Variants in CDK14 observed in about 807,000 individuals in gnomAD.
CDK14 encodes the protein cyclin-dependent kinase 14.
Under a neutral mutation model 60.7 loss-of-function variants are expected in CDK14, and 34 were observed. That is an observed-to-expected ratio of 0.56 (90% CI 0.43 to 0.75). The LOEUF is 0.75. Ranked by LOEUF, CDK14 falls within the 30% of genes least tolerant of loss-of-function variation. The probability of loss-of-function intolerance (pLI) is 0.00; values close to 1 mark genes in which losing one functional copy is unlikely to be tolerated. For synonymous variants in CDK14, 197 were observed against 203.7 expected (o/e 0.97, Z 0.28); for missense variants, 482 against 564.1 (o/e 0.85, Z 1.47).
At position 91,084,331 on chromosome 7, in the gene CDK14, A is replaced by G. The variant is rs1798569065; in HGVS notation, c.1154+4851A>G. Among the ~76,000 whole-genome samples the G allele has an allele frequency of 2.0e-5, 3 of 152,210 alleles. No individual in the cohort carries two copies. In the South Asian group the frequency reaches 6.2e-4, roughly 32 times the overall value. On this transcript the variant is annotated intron_variant, in intron 12 of 14. Coordinates refer to ENST00000380050, the MANE Select transcript of CDK14 (RefSeq NM_001287135.2). ...ATGCAGCCAGGAGAGCTGGGACAGA[A>G]CAGAAGCCTGACTTCCTCTGTCCTG...
At chr7:91,184,914 CT>C (rs1802122838) in intron 14 of CDK14, among the ~76,000 whole-genome samples, 3 of 151,746 alleles carry the variant, frequency 2.0e-5, no homozygotes, top group Admixed American at 2.0e-4. Context: ...GTGAGGTGAA[CT>C]CCAGATTGAT....
intron 14 of CDK14, among the ~76,000 whole-genome samples, chr7:91,168,200 C>T (rs1392316766): frequency 2.7e-5 from 4 of 149,420 alleles, no homozygotes; most frequent in African/African-American, 7.5e-5. Context: ...AGGCGGAGGT[C>T]GCAGTGAGCC....
At chr7:91,051,641 A>T (rs763896269) in intron 11 of CDK14, among the ~76,000 whole-genome samples, 6 of 152,202 alleles carry the variant, frequency 3.9e-5, no homozygotes, top group Non-Finnish European at 5.9e-5. Context: ...GAGATTCATC[A>T]CAGGCAAACC....
chr7:90,618,947 T>A (rs917186716), intron 2 of CDK14, among the ~76,000 whole-genome samples: 6 of 152,158 alleles, frequency 3.9e-5, no homozygotes, highest in Non-Finnish European at 8.8e-5. Context: ...GAAGTAAAAA[T>A]CTCAAGAGAG....
chr7:90,679,947 A>G (rs956612115), intron 2 of CDK14, among the ~76,000 whole-genome samples: 7 of 152,148 alleles, frequency 4.6e-5, no homozygotes, highest in African/African-American at 1.4e-4. Context: ...CTCGGAGACT[A>G]TTGTCTTCAT....
Position 90,956,592 on chromosome 7 carries a change from G to A in CDK14, c.947+775G>A, listed in dbSNP as rs1291313537. Among the ~76,000 whole-genome samples, 4 of 152,034 alleles carry A rather than the reference G, an allele frequency of 2.6e-5. No homozygotes were observed. The East Asian group carries it at 7.7e-4, about 29-fold the overall frequency. On this transcript the variant is annotated intron_variant, in intron 9 of 14. Coordinates refer to ENST00000380050, the MANE Select transcript of CDK14 (RefSeq NM_001287135.2). ...AGTAAAACAATTTACATAGCACATG[G>A]CTATTTTTTTATTTTTATGTATTTA...
chr7:90,748,318 T>A (rs1046825181), intron 4 of CDK14, among the ~76,000 whole-genome samples: 8 of 152,192 alleles, frequency 5.3e-5, no homozygotes, highest in African/African-American at 1.9e-4. Flanking sequence ...TTTCTCTCCA[T>A]TGCTCTCTGG....
Position 90,795,979 on chromosome 7 carries a change from G to A in CDK14, c.544+5327G>A, listed in dbSNP as rs140046122. 1.3e-3 allele frequency among the ~76,000 whole-genome samples: 196 copies of A among 152,246 alleles called. 1 individual carries two copies. Among genetic ancestry groups the A allele is most frequent in the African/African-American group, 4.5e-3 (187 of 41,524 alleles). On this transcript the variant is annotated intron_variant, in intron 5 of 14. Coordinates refer to ENST00000380050, the MANE Select transcript of CDK14 (RefSeq NM_001287135.2). ...GTTGATGATCTTCTTATTCACTTTG[G>A]CTGGGTGTGAGGCAAGCTCCTGAGG...
chr7:91,151,586 A>C (rs553418246), intron 14 of CDK14, among the ~76,000 whole-genome samples: 2 of 152,250 alleles, frequency 1.3e-5, no homozygotes, highest in South Asian at 2.1e-4. Flanking sequence ...ATTTTAAATA[A>C]TATTTGCCAT....
intron 14 of CDK14, among the ~76,000 whole-genome samples, chr7:91,205,668 T>C (rs988650622): frequency 6.6e-6 from 1 of 152,250 alleles, no homozygotes; most frequent in African/African-American, 2.4e-5. Context: ...TATATTCTTT[T>C]AAATGATTAA....
intron 2 of CDK14, among the ~76,000 whole-genome samples, chr7:90,695,090 AC>A (rs1201455813): frequency 1.3e-5 from 2 of 152,182 alleles, no homozygotes; most frequent in Non-Finnish European, 2.9e-5. Flanking sequence ...AGGCGGGCAC[AC>A]AGGACCCTTC....
At chr7:91,015,885 A>T (rs1003250913) in intron 10 of CDK14, among the ~76,000 whole-genome samples, 1 of 152,062 alleles carries the variant, frequency 6.6e-6, no homozygotes, top group Non-Finnish European at 1.5e-5. Flanking sequence ...ATGTTAGCAG[A>T]TTACTATGTT....
intron 8 of CDK14, among the ~76,000 whole-genome samples, chr7:90,920,646 C>A (rs887026119): frequency 3.3e-5 from 5 of 152,178 alleles, no homozygotes; most frequent in African/African-American, 1.2e-4. Flanking sequence ...TAGATATTTT[C>A]TCTTACAGGG....
chr7:90,890,073 T>C (rs947618069), intron 6 of CDK14, among the ~76,000 whole-genome samples: 1 of 152,270 alleles, frequency 6.6e-6, no homozygotes, highest in Non-Finnish European at 1.5e-5. Context: ...TTCACTGTTT[T>C]GAAAACGGAC....
At chr7:90,652,399 C>T (rs111799953) in intron 2 of CDK14, among the ~76,000 whole-genome samples, 2 of 152,130 alleles carry the variant, frequency 1.3e-5, no homozygotes, top group African/African-American at 2.4e-5. Context: ...TTAATAAATT[C>T]GTTACGCCTT....
intron 2 of CDK14, among the ~76,000 whole-genome samples, chr7:90,622,923 C>CTTTTTTTTTTTTTTT (rs1245736325): frequency 7.7e-6 from 1 of 130,310 alleles, no homozygotes. Context: ...CTTTTTTTTT[C>CTTTTTTTTTTTTTTT]TTTTTTTTTT....
chr7:90,598,955 C>G (rs1036829252), intron 1 of CDK14, among the ~76,000 whole-genome samples: 14 of 151,950 alleles, frequency 9.2e-5, no homozygotes, highest in Non-Finnish European at 1.6e-4. Context: ...CCGCCCGCCT[C>G]GGCCTCCCAA....
intron 8 of CDK14, among the ~76,000 whole-genome samples, chr7:90,926,866 C>T (rs563705251): frequency 2.1e-4 from 32 of 152,294 alleles, no homozygotes; most frequent in African/African-American, 6.0e-4. Context: ...GGCATTCCCA[C>T]GCCCCCTTCC....
intron 12 of CDK14, among the ~76,000 whole-genome samples, chr7:91,094,027 G>A (rs1011028706): frequency 6.6e-6 from 1 of 152,096 alleles, no homozygotes; most frequent in Non-Finnish European, 1.5e-5. Context: ...ACTATTGGGA[G>A]GAGGGGGAGG....
Sources: allele counts gnomAD v4.1 joint callset (sites outside exome capture counted in the v4.1 genomes callset), GRCh38; gene constraint gnomAD v4.1.1; transcripts MANE v1.5; gene names NCBI Gene and HGNC (gene_info 2026-07-23, HGNC 2026-07-21).